DCDC1: variants seen among roughly 807,000 people sequenced by gnomAD.
DCDC1 encodes doublecortin domain containing 1.
A neutral mutation model predicts 178.3 loss-of-function variants in DCDC1; 200 were observed. That is an observed-to-expected ratio of 1.12 (90% CI 1.00 to 1.26). The LOEUF (loss-of-function observed/expected upper bound fraction) is 1.26. Among genes scored for constraint, DCDC1 ranks in the 50% most tolerant of loss-of-function variants. The pLI is 0.00. For missense variants in DCDC1, 1,983 were observed against 1,749.2 expected (o/e 1.13, Z -2.38); for synonymous variants, 690 against 604.8 (o/e 1.14, Z -2.07).
At chr11:31,274,649 T>C (rs931908226) in intron 7 of DCDC1, among the ~76,000 whole-genome samples, 1 of 147,416 alleles carries the variant, frequency 6.8e-6, no homozygotes, top group African/African-American at 2.5e-5. Flanking sequence ...AAGCCTTCCT[T>C]ATGCCACCTA....
At chr11:31,189,794 C>T (rs1192607104) in intron 9 of DCDC1, among the ~76,000 whole-genome samples, 1 of 152,168 alleles carries the variant, frequency 6.6e-6, no homozygotes, top group East Asian at 1.9e-4. Context: ...TACACAGGGC[C>T]CTCATGGATA....
intron 9 of DCDC1, among the ~76,000 whole-genome samples, chr11:31,151,560 T>C (rs1051970402): frequency 2.6e-5 from 4 of 152,236 alleles, no homozygotes; most frequent in African/African-American, 9.6e-5. Flanking sequence ...TTTTTCATAC[T>C]GAAAATATCC....
intron 27 of DCDC1, 98 bp from the exon 28 acceptor site, chr11:30,911,518 T>C: frequency 2.4e-6 from 2 of 833,734 alleles, no homozygotes. Flanking sequence ...GCTCCATGCA[T>C]GCTCTGTAAT....
At chr11:30,968,619 G>GTA (rs367740624) in intron 20 of DCDC1, among the ~76,000 whole-genome samples, 107 of 144,656 alleles carry the variant, frequency 7.4e-4, no homozygotes, top group African/African-American at 1.3e-3. Flanking sequence ...AACAAAGTGT[G>GTA]TATATATATA....
intron 6 of DCDC1, among the ~76,000 whole-genome samples, chr11:31,292,296 A>G (rs1164155280): frequency 6.6e-6 from 1 of 152,194 alleles, no homozygotes; most frequent in Non-Finnish European, 1.5e-5. Context: ...CAGATACTCA[A>G]GTAAGTACAT....
At chr11:31,017,239 C>T (rs1265097895) in intron 20 of DCDC1, among the ~76,000 whole-genome samples, 3 of 152,126 alleles carry the variant, frequency 2.0e-5, no homozygotes, top group Non-Finnish European at 2.9e-5. Context: ...GATTTTCTTC[C>T]TCCTTTGCCA....
At chr11:30,946,322 C>T (rs1000820537) in intron 21 of DCDC1, among the ~76,000 whole-genome samples, 1 of 152,146 alleles carries the variant, frequency 6.6e-6, no homozygotes, top group African/African-American at 2.4e-5. Context: ...TCAGTCTTTT[C>T]TTGGCTCATG....
Position 31,204,161 on chromosome 11 carries a change from T to C in DCDC1, c.1221+37289A>G, listed in dbSNP as rs140882543. Among the ~76,000 whole-genome samples, 10 of 152,318 alleles carry C rather than the reference T, an allele frequency of 6.6e-5. No individual in the cohort carries two copies. In the East Asian group the frequency reaches 1.9e-3, roughly 29 times the overall value. On this transcript the variant is annotated intron_variant, in intron 9 of 38. Transcript: ENST00000684477. ...CACATAATTGGCTCTATGAGTACTG[T>C]GAGCCAACCACAGCATGCCATTGGT...
At chr11:31,284,554 A>G (rs1236325490) in intron 7 of DCDC1, among the ~76,000 whole-genome samples, 1 of 152,156 alleles carries the variant, frequency 6.6e-6, no homozygotes, top group Non-Finnish European at 1.5e-5. Context: ...ATATGTTAAA[A>G]TATAAAATGT....
intron 20 of DCDC1, among the ~76,000 whole-genome samples, chr11:30,973,273 C>A (rs1382972904): frequency 6.5e-4 from 74 of 113,762 alleles, no homozygotes; most frequent in Non-Finnish European, 6.7e-4. Flanking sequence ...GACTCCATCT[C>A]AAAAAAAAAA....
At chr11:31,163,999 C>G (rs1966546977) in intron 9 of DCDC1, among the ~76,000 whole-genome samples, 2 of 151,992 alleles carry the variant, frequency 1.3e-5, no homozygotes. Flanking sequence ...CTTATCCAAT[C>G]TTGCTTCTAT....
intron 15 of DCDC1, among the ~76,000 whole-genome samples, chr11:31,099,592 A>G (rs533908433): frequency 3.6e-4 from 55 of 152,238 alleles, no homozygotes; most frequent in African/African-American, 1.3e-3. Flanking sequence ...TGTCATTGTA[A>G]ATGGCGCAGA....
intron 23 of DCDC1, among the ~76,000 whole-genome samples, chr11:30,923,688 G>A (rs559216548): frequency 3.3e-5 from 5 of 151,364 alleles, no homozygotes; most frequent in East Asian, 1.9e-4. Flanking sequence ...GCATGCTTTC[G>A]GCTCACTGCA....
intron 29 of DCDC1, among the ~76,000 whole-genome samples, chr11:30,908,628 C>G (rs1945239708): frequency 6.6e-6 from 1 of 151,940 alleles, no homozygotes; most frequent in African/African-American, 2.4e-5. Context: ...CATGGCAAAA[C>G]CTAGATAATA....
chr11:30,928,516 T>A (rs899063114), intron 22 of DCDC1, among the ~76,000 whole-genome samples: 3 of 150,870 alleles, frequency 2.0e-5, no homozygotes, highest in South Asian at 4.2e-4. Context: ...GTGAAATATG[T>A]TTTTTAAATG....
intron 9 of DCDC1, 140 bp from the exon 10 acceptor site, chr11:31,137,924 G>T (rs2136001673): frequency 3.7e-6 from 2 of 542,548 alleles, no homozygotes; most frequent in African/African-American, 1.9e-5. Context: ...AATAAACTCT[G>T]AATTTCATTT....
rs756831734 is a variant in DCDC1, at chr11:30,917,019, G to C, written c.3303C>G (p.His1101Gln). ...CCTTCATTCGAAGATGAGCTCTTAC[G>C]TGTGAATCTCTATCAAGGTTCAGAA... is the stretch of plus-strand genomic sequence containing the variant. ...ENASSEILDS[H>Q]VRAHLRMKAC... Residue 1101 changes from histidine (H) to glutamine (Q), a missense_variant, in exon 26 of 39, where the codon CAC becomes CAG. Physicochemically the swap from His to Gln is conservative, Grantham distance 24. Coordinates refer to ENST00000684477, the MANE Select transcript of DCDC1 (RefSeq NM_001387274.1). The C allele has an allele frequency of 6.3e-7, 1 of 1,594,052 alleles. No homozygotes were observed.
chr11:31,105,912 T>C (rs1958814959), intron 13 of DCDC1, among the ~76,000 whole-genome samples: 1 of 152,224 alleles, frequency 6.6e-6, no homozygotes, highest in African/African-American at 2.4e-5. Context: ...TTATACTCTA[T>C]ATGAAAAATT....
intron 20 of DCDC1, among the ~76,000 whole-genome samples, chr11:30,982,575 A>C (rs1950444560): frequency 6.8e-6 from 1 of 147,708 alleles, no homozygotes; most frequent in Non-Finnish European, 1.5e-5. Flanking sequence ...GTTTTGTTTG[A>C]TTCCAAATAA....
Sources: allele counts gnomAD v4.1 joint callset (sites outside exome capture counted in the v4.1 genomes callset), GRCh38; gene constraint gnomAD v4.1.1; transcripts MANE v1.5; gene names NCBI Gene and HGNC (gene_info 2026-07-23, HGNC 2026-07-21).